GRM7: variants seen among roughly 807,000 people sequenced by gnomAD.
GRM7 encodes the protein metabotropic glutamate receptor 7.
A neutral mutation model predicts 84.5 loss-of-function variants in GRM7; 35 were observed. That is an observed-to-expected ratio of 0.41 (90% CI 0.32 to 0.55). GRM7 has a LOEUF of 0.55. Ranked by LOEUF, GRM7 falls within the 20% of genes least tolerant of loss-of-function variation. GRM7 has a pLI of 0.19. For missense variants in GRM7, 1,003 were observed against 1,194.6 expected, an observed-to-expected ratio of 0.84 and a Z score of 2.36; for synonymous variants, 487 against 455.1, an observed-to-expected ratio of 1.07 and a Z score of -0.89.
At chr3:7,199,661 A>G (rs2125112390) in intron 2 of GRM7, among the ~76,000 whole-genome samples, 1 of 152,334 alleles carries the variant, frequency 6.6e-6, no homozygotes, top group Non-Finnish European at 1.5e-5. Flanking sequence ...GGGAGAGGCC[A>G]GGGATATTAG....
At chr3:7,567,067 G>A (rs1450374265) in intron 7 of GRM7, among the ~76,000 whole-genome samples, 1 of 152,134 alleles carries the variant, frequency 6.6e-6, no homozygotes, top group African/African-American at 2.4e-5. Flanking sequence ...TAACAAACTT[G>A]TGTTCCATTA....
intron 4 of GRM7, among the ~76,000 whole-genome samples, chr3:7,365,645 G>GTATATATATATA (rs201115893): frequency 4.7e-4 from 58 of 123,844 alleles, no homozygotes; most frequent in African/African-American, 1.8e-3. Flanking sequence ...GTGTGCGTGT[G>GTATATATATATA]TGTATATATA....
rs535019507 is a variant in GRM7 at position 7,393,168 on chromosome 3, A to G, written c.1034-21855A>G. On this transcript the variant is annotated intron_variant, in intron 4 of 9. Coordinates refer to ENST00000357716, the MANE Select transcript of GRM7 (RefSeq NM_000844.4). ...AGTACCCTCCCAGGAACGCATGGCC[A>G]TGCCCCTTCTCCCCTGTCTCTCCTC... Among the ~76,000 whole-genome samples the G allele has an allele frequency of 3.9e-5, 6 of 152,236 alleles. No individual in the cohort carries two copies. The South Asian group carries it at 1.2e-3, about 32-fold the overall frequency.
intron 2 of GRM7, among the ~76,000 whole-genome samples, chr3:7,179,959 C>G (rs184206500): frequency 4.0e-4 from 61 of 152,240 alleles, no homozygotes; most frequent in Middle Eastern, 6.8e-3. Flanking sequence ...TATCAGTGAC[C>G]TTAAGAAGTC....
At chr3:7,244,971 G>A (rs1697703650) in intron 2 of GRM7, among the ~76,000 whole-genome samples, 1 of 151,910 alleles carries the variant, frequency 6.6e-6, no homozygotes, top group African/African-American at 2.4e-5. Context: ...CAGTAGGGAT[G>A]TAAAAAACAA....
chr3:7,452,823 T>C lies in GRM7; in HGVS notation c.1375+16T>C. 3.3e-6 allele frequency: 5 copies of C among 1,536,504 alleles called. No homozygotes were observed. The highest frequency in any genetic ancestry group is 3.6e-6 in the Non-Finnish European group (4 of 1,110,856). ...AATTTCAATGGTGAGTCTCCAAAAA[T>C]CCATCCTTTTTGGAATCCTAAGTGT... On this transcript the variant is annotated intron_variant, in intron 6 of 9. Transcript: ENST00000357716.
chr3:6,949,755 C>T (rs1220623208), intron 1 of GRM7, among the ~76,000 whole-genome samples: 1 of 152,072 alleles, frequency 6.6e-6, no homozygotes, highest in South Asian at 2.1e-4. Context: ...TTGTTTGTTT[C>T]GTTTTATTCT....
intron 7 of GRM7, among the ~76,000 whole-genome samples, chr3:7,550,345 C>T (rs1238677675): frequency 7.0e-6 from 1 of 142,742 alleles, no homozygotes; most frequent in Admixed American, 7.1e-5. Flanking sequence ...CTTCCCTCCT[C>T]CCTTCTCCCT....
intron 7 of GRM7, 151 bp downstream of exon 7, chr3:7,461,873 CAAT>C (rs998131437): frequency 8.9e-6 from 6 of 677,754 alleles, no homozygotes; most frequent in African/African-American, 3.6e-5. Context: ...AACTGATATC[CAAT>C]AATAATGATG....
chr3:7,169,196 C>T (rs35952860), intron 2 of GRM7, among the ~76,000 whole-genome samples: 22,516 of 151,992 alleles, frequency 0.15, 2,184 homozygotes, highest in Non-Finnish European at 0.2. Context: ...CATAGGGGTG[C>T]ATTTTTTTTT....
chr3:6,902,541 C>T (rs566493112), intron 1 of GRM7, among the ~76,000 whole-genome samples: 1 of 152,084 alleles, frequency 6.6e-6, no homozygotes, highest in Non-Finnish European at 1.5e-5. Flanking sequence ...GCCCCAGACA[C>T]CTGAATAAAC....
intron 1 of GRM7, among the ~76,000 whole-genome samples, chr3:6,947,788 T>A (rs140396001): frequency 0.044 from 6,765 of 152,170 alleles, 167 homozygotes; most frequent in African/African-American, 0.048. Flanking sequence ...CTTGGGAGAG[T>A]GTATGTGTCG....
chr3:7,538,745 A>G (rs1397598847), intron 7 of GRM7, among the ~76,000 whole-genome samples: 1 of 152,252 alleles, frequency 6.6e-6, no homozygotes, highest in Admixed American at 6.5e-5. Context: ...ACACAGTTTA[A>G]TCGGTTTTTG....
intron 3 of GRM7, among the ~76,000 whole-genome samples, chr3:7,305,106 C>T (rs1211462524): frequency 6.6e-6 from 1 of 152,038 alleles, no homozygotes; most frequent in Non-Finnish European, 1.5e-5. Flanking sequence ...GGTGACAAAC[C>T]CCTAGTTCCC....
chr3:7,349,642 A>G (rs922019619), intron 4 of GRM7, among the ~76,000 whole-genome samples: 2 of 152,156 alleles, frequency 1.3e-5, no homozygotes, highest in Non-Finnish European at 2.9e-5. Context: ...TTTAGATAGT[A>G]CCGGGCTGGC....
At chr3:7,100,529 A>T (rs557223628) in intron 1 of GRM7, among the ~76,000 whole-genome samples, 1 of 151,958 alleles carries the variant, frequency 6.6e-6, no homozygotes, top group East Asian at 1.9e-4. Context: ...GCACAGTTTA[A>T]TGTTAATGAG....
At chr3:7,049,511 T>G (rs575070988) in intron 1 of GRM7, among the ~76,000 whole-genome samples, 1 of 151,928 alleles carries the variant, frequency 6.6e-6, no homozygotes, top group Non-Finnish European at 1.5e-5. Flanking sequence ...ACATGGAGAT[T>G]ATTAGAATTC....
At chr3:7,615,510 T>C (rs1466635696) in intron 8 of GRM7, among the ~76,000 whole-genome samples, 2 of 152,142 alleles carry the variant, frequency 1.3e-5, no homozygotes, top group Non-Finnish European at 1.5e-5. Context: ...CCTTATAAAA[T>C]AGGTTATATG....
intron 2 of GRM7, among the ~76,000 whole-genome samples, chr3:7,285,225 C>A (rs2125002058): frequency 6.6e-6 from 1 of 152,220 alleles, no homozygotes; most frequent in Admixed American, 6.5e-5. Context: ...CTTAGACCAA[C>A]AAAAGATTTT....
Sources: allele counts gnomAD v4.1 joint callset (sites outside exome capture counted in the v4.1 genomes callset), GRCh38; gene constraint gnomAD v4.1.1; transcripts MANE v1.5; gene names NCBI Gene and HGNC (gene_info 2026-07-23, HGNC 2026-07-21).